The following SMC6 variants were observed in gnomAD, a reference collection of about 807,000 sequenced individuals.
The protein encoded by SMC6 is structural maintenance of chromosomes 6.
SMC6 carries 79 observed loss-of-function variants against 142.2 expected under a neutral mutation model. The observed-to-expected ratio is 0.56, with a 90% confidence interval of 0.46 to 0.67. SMC6 has a LOEUF of 0.67. SMC6 is among the 30% of genes least tolerant of loss of function. The pLI is 0.00. For synonymous variants in SMC6, 411 were observed against 412.4 expected (o/e 1.00, Z 0.04); for missense variants, 1,072 against 1,284.0 (o/e 0.83, Z 2.52).
chr2:17,699,915 A>G (rs991146469), intron 21 of SMC6, among the ~76,000 whole-genome samples: 1 of 152,050 alleles, frequency 6.6e-6, no homozygotes, highest in South Asian at 2.1e-4. Context: ...CACGTACGAG[A>G]CGTCTCTGCT....
In SMC6 at chr2:17,703,302, A is replaced by T; in HGVS notation, c.2007-10T>A. 6.3e-7 allele frequency: 1 copy of T among 1,591,192 alleles called. No individual in the cohort carries two copies. The highest frequency in any genetic ancestry group is 8.5e-7 in the Non-Finnish European group (1 of 1,172,392). ...CTCATTCTCCAAGTCACTTGATAGG[A>T]AAGGAGAAGATAGAAAATACTTTAA... On this transcript the variant is annotated splice_polypyrimidine_tract_variant and intron_variant, in intron 18 of 27. Coordinates refer to ENST00000448223, the MANE Select transcript of SMC6 (RefSeq NM_001142286.2).
chr2:17,739,989 T>G (rs542075126), intron 4 of SMC6, among the ~76,000 whole-genome samples: 1 of 150,894 alleles, frequency 6.6e-6, no homozygotes, highest in South Asian at 2.1e-4. Flanking sequence ...TATTAGCCCA[T>G]TATCTTCCGC....
rs990511249 is a variant in SMC6 at position 17,711,870 on chromosome 2, C to T, written c.1730+2991G>A. Among the ~76,000 whole-genome samples the T allele has an allele frequency of 4.6e-5, 7 of 152,282 alleles. No individual in the cohort carries two copies. In the South Asian group the frequency reaches 1.0e-3, roughly 23 times the overall value. On this transcript the variant is annotated intron_variant, in intron 16 of 27. Coordinates refer to ENST00000448223, the MANE Select transcript of SMC6 (RefSeq NM_001142286.2). ...CTGGGATCAAATGATCCACGCGATT[C>T]GGCCTCCCAAAGTGCTGGGATTACA...
At chr2:17,732,273 T>C (rs13400820) in intron 5 of SMC6, among the ~76,000 whole-genome samples, 1 of 152,178 alleles carries the variant, frequency 6.6e-6, no homozygotes, top group Non-Finnish European at 1.5e-5. Context: ...TGCTTGACAG[T>C]AGGCCTTTAA....
intron 1 of SMC6, among the ~76,000 whole-genome samples, chr2:17,753,354 C>CCTGGGAGGGGACGGCCGA: frequency 6.6e-6 from 1 of 152,176 alleles, no homozygotes; most frequent in Non-Finnish European, 1.5e-5. Flanking sequence ...GGGACGGCCG[C>CCTGGGAGGGGACGGCCGA]CTGGGAGGGG....
At position 17,695,262 on chromosome 2, in the gene SMC6, C is replaced by T. The variant is rs781629974; in HGVS notation, c.2568G>A (p.Glu856=). The T allele has an allele frequency of 6.2e-7, 1 of 1,613,330 alleles. No homozygotes were observed. Among genetic ancestry groups the T allele is most frequent in the Non-Finnish European group, 8.5e-7 (1 of 1,179,768 alleles). Residue 856 remains glutamate (E), a synonymous_variant, in exon 23 of 28, where the codon GAG becomes GAA. Coordinates refer to ENST00000448223, the MANE Select transcript of SMC6 (RefSeq NM_001142286.2). ...ATGCAGATTTTTCTACTTCTATACG[C>T]TCTGGGCAGATTTGTCTTGCTTGTG... ...KMSQARQICP[E]RIEVEKSASI...
At chr2:17,696,990 G>C (rs1163103108) in intron 21 of SMC6, among the ~76,000 whole-genome samples, 6 of 151,950 alleles carry the variant, frequency 3.9e-5, no homozygotes, top group African/African-American at 1.4e-4. Context: ...TAAAAAACTG[G>C]GAGAAGAGAT....
chr2:17,740,891 C>T, intron 4 of SMC6: 1 of 269,016 alleles, frequency 3.7e-6, no homozygotes, highest in African/African-American at 2.4e-5. Flanking sequence ...CCCCAAACCA[C>T]CAAACAACAA....
At chr2:17,718,346 A>T (rs1669205724) in intron 11 of SMC6, 123 bp from the exon 12 acceptor site, 1 of 533,576 alleles carries the variant, frequency 1.9e-6, no homozygotes, top group Admixed American at 3.8e-5. Flanking sequence ...CAGGCAAATA[A>T]ACATAACATA....
intron 21 of SMC6, among the ~76,000 whole-genome samples, chr2:17,699,705 T>C (rs916152795): frequency 5.9e-5 from 9 of 152,220 alleles, no homozygotes; most frequent in African/African-American, 2.2e-4. Context: ...CAAGTGAATA[T>C]TATGAAAAAC....
chr2:17,675,556 C>A (rs1666959855), intron 25 of SMC6, among the ~76,000 whole-genome samples: 1 of 152,022 alleles, frequency 6.6e-6, no homozygotes, highest in Admixed American at 6.6e-5. Context: ...ATTATTTCAG[C>A]TTTTGTTTGT....
At chr2:17,711,871 G>A (rs1016583731) in intron 16 of SMC6, among the ~76,000 whole-genome samples, 8 of 152,098 alleles carry the variant, frequency 5.3e-5, no homozygotes, top group Non-Finnish European at 1.0e-4. Context: ...CACGCGATTC[G>A]GCCTCCCAAA....
chr2:17,749,384 A>G (rs1447672714), intron 2 of SMC6, among the ~76,000 whole-genome samples: 1 of 152,188 alleles, frequency 6.6e-6, no homozygotes, highest in Non-Finnish European at 1.5e-5. Flanking sequence ...CAATAAAATA[A>G]TAAGTTCAAG....
At chr2:17,691,175 G>A (rs1007009769) in intron 23 of SMC6, among the ~76,000 whole-genome samples, 2 of 149,760 alleles carry the variant, frequency 1.3e-5, no homozygotes, top group East Asian at 2.0e-4. Flanking sequence ...ATTCACAATA[G>A]CCAAGATATG....
rs183421895 is a variant in SMC6, at chr2:17,714,255, C to T, written c.1730+606G>A. Among the ~76,000 whole-genome samples, 228 of 152,120 alleles carry T rather than the reference C, an allele frequency of 1.5e-3. 1 individual carries two copies. The highest frequency in any genetic ancestry group is 2.5e-3 in the Non-Finnish European group (170 of 67,986). ...GGACCACAGGCACACACGACCAAGC[C>T]TGGCTATTTTTTTGTATTTTTGGTA... On this transcript the variant is annotated intron_variant, in intron 16 of 27. Coordinates refer to ENST00000448223, the MANE Select transcript of SMC6 (RefSeq NM_001142286.2).
At chr2:17,688,674 C>A (rs757336232) in intron 23 of SMC6, among the ~76,000 whole-genome samples, 3 of 152,022 alleles carry the variant, frequency 2.0e-5, no homozygotes, top group Non-Finnish European at 2.9e-5. Flanking sequence ...CAAATCAAGT[C>A]AATTAATAAC....
intron 17 of SMC6, among the ~76,000 whole-genome samples, chr2:17,708,416 A>G (rs1369159718): frequency 6.6e-6 from 1 of 152,136 alleles, no homozygotes; most frequent in African/African-American, 2.4e-5. Flanking sequence ...TTGTGAAATG[A>G]TTTTATAAAG....
chr2:17,696,425 T>A lies in SMC6; in HGVS notation c.2396A>T (p.Asp799Val). 6.2e-7 allele frequency: 1 copy of A among 1,603,966 alleles called. No individual in the cohort carries two copies. ...QLSELADPLK[D>V]ELNLADSEVD... Reference sequence around the variant, plus strand: ...TTCAGAATCAGCAAGGTTTAATTCATCCTGTTTGAACAAAGCCAGAATAAA... The same window carrying A: ...TTCAGAATCAGCAAGGTTTAATTCAACCTGTTTGAACAAAGCCAGAATAAA... The change falls in exon 22 of 28, where the codon GAT (aspartate) becomes GTT (valine). Residue 799 changes from aspartate to valine, a missense_variant and splice_region_variant. Coordinates refer to ENST00000448223, the MANE Select transcript of SMC6 (RefSeq NM_001142286.2).
At chr2:17,733,589 T>C (rs1558372863) in intron 5 of SMC6, among the ~76,000 whole-genome samples, 1 of 152,206 alleles carries the variant, frequency 6.6e-6, no homozygotes, top group Non-Finnish European at 1.5e-5. Flanking sequence ...AAATCTACAA[T>C]TATTTCAAAA....
Sources: gnomAD v4.1 joint callset for allele counts (sites outside exome capture counted in the v4.1 genomes callset) on GRCh38, gnomAD v4.1.1 for gene constraint, MANE v1.5 for transcripts, NCBI Gene and HGNC (gene_info 2026-07-23, HGNC 2026-07-21) for gene names.